MRAS: variants seen among roughly 807,000 people sequenced by gnomAD.
MRAS encodes the protein ras-related protein M-Ras.
MRAS carries 4 observed loss-of-function variants against 20.9 expected under a neutral mutation model. The observed-to-expected ratio is 0.19, with a 90% CI of 0.09 to 0.44. MRAS has a LOEUF of 0.44. MRAS is among the 20% of genes least tolerant of loss of function. The probability of loss-of-function intolerance (pLI) is 0.99; values close to 1 mark genes in which losing one functional copy is unlikely to be tolerated. For synonymous variants in MRAS, 98 were observed against 102.9 expected, an observed-to-expected ratio of 0.95 and a Z score of 0.29; for missense variants, 154 against 277.5, an observed-to-expected ratio of 0.56 and a Z score of 3.16.
chr3:138,385,453 G>T (rs1220340103), intron 2 of MRAS, among the ~76,000 whole-genome samples: 1 of 150,420 alleles, frequency 6.6e-6, no homozygotes, highest in Non-Finnish European at 1.5e-5. Flanking sequence ...AGCTTTATTT[G>T]TAAATTTTTT....
chr3:138,400,771 T>G (rs769982876), intron 5 of MRAS, among the ~76,000 whole-genome samples, 158 bp downstream of exon 5: 7 of 152,196 alleles, frequency 4.6e-5, no homozygotes, highest in Non-Finnish European at 1.0e-4. Flanking sequence ...CATTTCTTTC[T>G]TTTGCTTTTT....
intron 1 of MRAS, among the ~76,000 whole-genome samples, chr3:138,363,703 T>A (rs1441970784): frequency 6.6e-6 from 1 of 152,036 alleles, no homozygotes; most frequent in Non-Finnish European, 1.5e-5. Context: ...TGTGTGTGTC[T>A]TGAGAGGAGG....
At chr3:138,393,457 T>G (rs2055171021) in intron 2 of MRAS, among the ~76,000 whole-genome samples, 1 of 152,228 alleles carries the variant, frequency 6.6e-6, no homozygotes, top group Non-Finnish European at 1.5e-5. Flanking sequence ...TTTTTTACTT[T>G]GTAAGAATTC....
At chr3:138,375,980 T>C (rs1338022953) in intron 2 of MRAS, among the ~76,000 whole-genome samples, 1 of 152,064 alleles carries the variant, frequency 6.6e-6, no homozygotes, top group East Asian at 1.9e-4. Flanking sequence ...AGAGTGAGAC[T>C]CCCTCTCAAA....
At chr3:138,370,037 C>A (rs1054275079) in intron 1 of MRAS, among the ~76,000 whole-genome samples, 1 of 152,150 alleles carries the variant, frequency 6.6e-6, no homozygotes, top group Non-Finnish European at 1.5e-5. Context: ...AGCCAAACAC[C>A]GACCGGGAAC....
intron 2 of MRAS, among the ~76,000 whole-genome samples, chr3:138,380,519 CA>C (rs1339144730): frequency 2.0e-5 from 3 of 151,848 alleles, no homozygotes; most frequent in Non-Finnish European, 4.4e-5. Flanking sequence ...CCGTGTTGGC[CA>C]GGCTGATCTC....
chr3:138,374,502 A>C (rs2054742593), intron 2 of MRAS, among the ~76,000 whole-genome samples: 1 of 152,186 alleles, frequency 6.6e-6, no homozygotes, highest in South Asian at 2.1e-4. Context: ...GATTTTTCTG[A>C]ATAGACCATA....
At chr3:138,373,300 G>C (rs1406546694) in intron 2 of MRAS, among the ~76,000 whole-genome samples, 1 of 152,196 alleles carries the variant, frequency 6.6e-6, no homozygotes, top group Non-Finnish European at 1.5e-5. Context: ...CAGCAAAGAG[G>C]GGAGGCTAGA....
intron 1 of MRAS, chr3:138,350,188 T>G (rs1234638356): frequency 6.6e-6 from 1 of 152,254 alleles, no homozygotes; most frequent in Non-Finnish European, 1.5e-5. Flanking sequence ...GATACGGTTC[T>G]TAGAGCTTCT....
chr3:138,395,021 T>G, intron 2 of MRAS, among the ~76,000 whole-genome samples: 1 of 152,116 alleles, frequency 6.6e-6, no homozygotes, highest in Middle Eastern at 3.2e-3. Context: ...AGAGCATGCC[T>G]TTCTTTTTCT....
At chr3:138,401,505 G>A (rs1407440624) in intron 5 of MRAS, among the ~76,000 whole-genome samples, 1 of 152,194 alleles carries the variant, frequency 6.6e-6, no homozygotes, top group Non-Finnish European at 1.5e-5. Context: ...TCTCATCCAG[G>A]CGTAGTGGCT....
intron 1 of MRAS, among the ~76,000 whole-genome samples, chr3:138,357,390 A>C (rs1216782781): frequency 6.6e-6 from 1 of 152,212 alleles, no homozygotes; most frequent in Non-Finnish European, 1.5e-5. Flanking sequence ...TGTCTGTGTG[A>C]ATCTCCACCT....
At chr3:138,370,667 C>T (rs552907525) in intron 1 of MRAS, among the ~76,000 whole-genome samples, 3 of 152,172 alleles carry the variant, frequency 2.0e-5, no homozygotes, top group Non-Finnish European at 4.4e-5. Flanking sequence ...CTGAAATCCC[C>T]ACTCGAATGA....
rs1263436361 is a variant in MRAS, at chr3:138,402,557, G to A, written c.*288G>A. ...TCAACCCGGTTCCTCCCCCTCTCTC[G>A]GTGGGTGTGTTGTTTATTGTAACTA... On this transcript the variant is annotated 3_prime_UTR_variant, in exon 6 of 6. Transcript: ENST00000423968. 5.1e-6 allele frequency: 2 copies of A among 389,056 alleles called. No individual in the cohort carries two copies. Among genetic ancestry groups the A allele is most frequent in the Admixed American group, 4.2e-5 (1 of 23,928 alleles). 24.1% of individuals were successfully genotyped at this position (389,056 alleles called of 1,614,324 possible).
intron 1 of MRAS, among the ~76,000 whole-genome samples, chr3:138,354,702 T>C (rs2054294987): frequency 1.3e-5 from 2 of 152,366 alleles, no homozygotes; most frequent in East Asian, 3.9e-4. Context: ...TGAACTGTAA[T>C]ATTAATGATA....
At chr3:138,370,923 T>C (rs1009569864) in intron 1 of MRAS, among the ~76,000 whole-genome samples, 5 of 152,204 alleles carry the variant, frequency 3.3e-5, no homozygotes, top group Non-Finnish European at 7.3e-5. Flanking sequence ...CTGTCTTTTT[T>C]TCATACATAA....
intron 1 of MRAS, chr3:138,350,370 T>G (rs2054202164): frequency 6.6e-6 from 1 of 152,250 alleles, no homozygotes; most frequent in South Asian, 2.1e-4. Flanking sequence ...CTCTGTAGTT[T>G]ATGGTGTAGT....
rs548404154 is a variant in MRAS at position 138,398,785 on chromosome 3, G to A, written c.447+217G>A. Among the ~76,000 whole-genome samples, 3 of 152,340 alleles carry A rather than the reference G, an allele frequency of 2.0e-5. No individual in the cohort carries two copies. The East Asian group carries it at 5.8e-4, about 29-fold the overall frequency. On this transcript the variant is annotated intron_variant, in intron 4 of 5. Transcript: ENST00000423968. ...TAGAGACAGGTCCCCTAGAAAGAAAGTAGAAGGTGTCTGGGACCTGGGGGG... is the reference window on the plus strand; with the variant it reads ...TAGAGACAGGTCCCCTAGAAAGAAAATAGAAGGTGTCTGGGACCTGGGGGG...
chr3:138,395,278 C>A (rs2055211789), intron 2 of MRAS, among the ~76,000 whole-genome samples: 1 of 152,078 alleles, frequency 6.6e-6, no homozygotes, highest in Non-Finnish European at 1.5e-5. Flanking sequence ...CTCAGGTGAT[C>A]CACTTGCCTC....
Sources: gnomAD v4.1 joint callset for allele counts (sites outside exome capture counted in the v4.1 genomes callset) on GRCh38, gnomAD v4.1.1 for gene constraint, MANE v1.5 for transcripts, NCBI Gene and HGNC (gene_info 2026-07-23, HGNC 2026-07-21) for gene names.